Variants in FBXW8 observed in about 807,000 individuals in gnomAD.
The protein encoded by FBXW8 is F-box/WD repeat-containing protein 8.
In FBXW8, 57 loss-of-function variants were observed where a neutral mutation model predicts 65.3. That is an observed-to-expected ratio of 0.87 (90% confidence interval 0.71 to 1.09). The LOEUF is 1.09. FBXW8 is among the 50% of genes least tolerant of loss of function. The pLI is 0.00. For missense variants in FBXW8, 777 were observed against 814.8 expected (o/e 0.95, Z 0.57); for synonymous variants, 308 against 330.2 (o/e 0.93, Z 0.73).
intron 7 of FBXW8, among the ~76,000 whole-genome samples, chr12:117,006,484 C>A (rs992706330): frequency 6.6e-6 from 1 of 152,252 alleles, no homozygotes; most frequent in Non-Finnish European, 1.5e-5. Context: ...CAGTCCAGGC[C>A]ACACCTGGAT....
intron 2 of FBXW8, among the ~76,000 whole-genome samples, chr12:116,935,466 C>G (rs1387111475): frequency 6.6e-6 from 1 of 152,142 alleles, no homozygotes; most frequent in Non-Finnish European, 1.5e-5. Context: ...GGCAGGGTTC[C>G]CTTAGTTCTT....
At chr12:116,989,499 A>G (rs1240785580) in intron 7 of FBXW8, among the ~76,000 whole-genome samples, 1 of 152,250 alleles carries the variant, frequency 6.6e-6, no homozygotes. Flanking sequence ...TCACATTCTT[A>G]CCAACAGTGC....
intron 8 of FBXW8, 60 bp downstream of exon 8, chr12:117,010,510 C>T: frequency 1.2e-6 from 2 of 1,610,442 alleles, no homozygotes; most frequent in Non-Finnish European, 1.7e-6. Context: ...GGCCCGGCCC[C>T]CACTGCGCTG....
At chr12:117,007,258 T>C (rs187958188) in intron 7 of FBXW8, among the ~76,000 whole-genome samples, 1 of 149,958 alleles carries the variant, frequency 6.7e-6, no homozygotes, top group African/African-American at 2.5e-5. Context: ...TTAAGATCTC[T>C]AAGAAAAAAA....
At chr12:117,004,262 C>G (rs1313258671) in intron 7 of FBXW8, among the ~76,000 whole-genome samples, 1 of 151,140 alleles carries the variant, frequency 6.6e-6, no homozygotes, top group Non-Finnish European at 1.5e-5. Context: ...ACTTTTTATC[C>G]TCTCCCTCTT....
intron 5 of FBXW8, among the ~76,000 whole-genome samples, chr12:116,975,083 G>A (rs1014759662): frequency 3.9e-5 from 6 of 152,120 alleles, no homozygotes; most frequent in African/African-American, 1.4e-4. Context: ...AATAAATAAA[G>A]GAGAAGAGAT....
rs748649049 is a variant in FBXW8, at chr12:116,988,817, A to G, written c.1187A>G (p.Asn396Ser). ...PPVTCLDVSA[N>S]QVAFGVQGLG... ...GTCACATGTCTAGACGTCTCGGCCA[A>G]CCAAGTTGCTTTTGGTGTACAGGGT... The change falls in exon 7 of 11, where the codon AAC becomes AGC. Residue 396 changes from asparagine (N) to serine (S), a missense_variant. Transcript: ENST00000652555. 6.2e-7 allele frequency: 1 copy of G among 1,614,184 alleles called. No individual in the cohort carries two copies. The highest frequency in any genetic ancestry group is 1.3e-5 in the African/African-American group (1 of 75,048).
intron 3 of FBXW8, among the ~76,000 whole-genome samples, chr12:116,948,040 C>T (rs1883047023): frequency 6.6e-6 from 1 of 152,168 alleles, no homozygotes; most frequent in South Asian, 2.1e-4. Context: ...GGTTTGGTAC[C>T]TCTTAAGTCA....
chr12:116,988,968 A>T, intron 7 of FBXW8, 99 bp downstream of exon 7: 1 of 1,134,010 alleles, frequency 8.8e-7, no homozygotes, highest in Non-Finnish European at 1.3e-6. Flanking sequence ...TTTTCCAGAT[A>T]TATCAGGCCA....
At chr12:117,006,061 G>A (rs1437978523) in intron 7 of FBXW8, among the ~76,000 whole-genome samples, 2 of 152,182 alleles carry the variant, frequency 1.3e-5, no homozygotes, top group African/African-American at 2.4e-5. Flanking sequence ...GAAGCCTTCC[G>A]ACTCCTCCTG....
At chr12:116,994,705 T>G (rs1385732942) in intron 7 of FBXW8, among the ~76,000 whole-genome samples, 1 of 152,240 alleles carries the variant, frequency 6.6e-6, no homozygotes, top group Non-Finnish European at 1.5e-5. Flanking sequence ...ACAAAGAACT[T>G]TTTCATGTTT....
At chr12:117,000,083 G>A (rs1004141083) in intron 7 of FBXW8, among the ~76,000 whole-genome samples, 54 of 149,864 alleles carry the variant, frequency 3.6e-4, no homozygotes, top group Middle Eastern at 3.5e-3. Flanking sequence ...CCGGGTTCTC[G>A]CCATTCTCCT....
At chr12:116,968,910 C>G (rs1197952886) in intron 5 of FBXW8, among the ~76,000 whole-genome samples, 1 of 151,862 alleles carries the variant, frequency 6.6e-6, no homozygotes, top group Non-Finnish European at 1.5e-5. Context: ...TTGACAAGTT[C>G]GTCTTGGATT....
intron 7 of FBXW8, among the ~76,000 whole-genome samples, chr12:116,995,493 G>A (rs1265647276): frequency 2.0e-5 from 3 of 152,042 alleles, no homozygotes; most frequent in African/African-American, 7.2e-5. Context: ...TTCTCTAAGT[G>A]TCGCCCAAGA....
intron 1 of FBXW8, 90 bp from the exon 2 acceptor site, chr12:116,927,933 G>T: frequency 1.3e-6 from 1 of 744,272 alleles, no homozygotes; most frequent in Admixed American, 2.6e-5. Flanking sequence ...TACCACCTAA[G>T]AATATCTCTG....
intron 7 of FBXW8, among the ~76,000 whole-genome samples, chr12:117,002,092 G>A (rs1189019793): frequency 1.3e-5 from 2 of 152,172 alleles, no homozygotes; most frequent in Non-Finnish European, 2.9e-5. Context: ...TGTTGGTTTG[G>A]CCTCACTCCG....
intron 7 of FBXW8, among the ~76,000 whole-genome samples, chr12:116,998,015 C>T (rs1953420832): frequency 6.6e-6 from 1 of 152,118 alleles, no homozygotes; most frequent in Non-Finnish European, 1.5e-5. Context: ...CAGGGTTTCA[C>T]TACATGTTGG....
rs1488281611 is a variant in FBXW8, at chr12:116,964,925, G to A, written c.835+71G>A. Reference sequence around the variant, plus strand: ...TTACAAAAATTAAGCAGCTGTGGCCGGCTCCCCCCTGTAATCCCTCCATAT... The same window carrying A: ...TTACAAAAATTAAGCAGCTGTGGCCAGCTCCCCCCTGTAATCCCTCCATAT... On this transcript the variant is annotated intron_variant, in intron 5 of 10. Transcript: ENST00000652555. The A allele has an allele frequency of 1.3e-5, 20 of 1,483,540 alleles. No homozygotes were observed. In the East Asian group the frequency reaches 3.0e-4, roughly 22 times the overall value. 91.9% of individuals were successfully genotyped at this position (1,483,540 alleles called of 1,614,324 possible).
chr12:117,016,124 G>A (rs575993581), intron 8 of FBXW8, among the ~76,000 whole-genome samples: 1 of 152,286 alleles, frequency 6.6e-6, no homozygotes, highest in East Asian at 1.9e-4. Context: ...TAATGCTACT[G>A]TTATCATTTA....
Sources: allele counts gnomAD v4.1 joint callset (sites outside exome capture counted in the v4.1 genomes callset), GRCh38; gene constraint gnomAD v4.1.1; transcripts MANE v1.5; gene names NCBI Gene and HGNC (gene_info 2026-07-23, HGNC 2026-07-21).